The following SENP7 variants were observed in gnomAD, a reference collection of about 807,000 sequenced individuals.
SENP7 encodes the protein SUMO specific peptidase 7, also known as sentrin-specific protease 7.
In SENP7, 64 loss-of-function variants were observed where a neutral mutation model predicts 141.2. The observed-to-expected ratio is 0.45, with a 90% CI of 0.37 to 0.56. The LOEUF is 0.56. Among genes scored for constraint, SENP7 ranks in the 20% least tolerant of loss-of-function variants. SENP7 has a pLI of 0.00. For missense variants in SENP7, 1,025 were observed against 1,212.2 expected (o/e 0.85, Z 2.29); for synonymous variants, 382 against 426.4 (o/e 0.90, Z 1.28).
rs553284052 is a variant in SENP7, at chr3:101,357,612, A to G, written c.1623+4103T>C. 408 of 946,644 alleles carry G rather than the reference A, an allele frequency of 4.3e-4. 1 individual carries two copies. Among genetic ancestry groups the G allele is most frequent in the Non-Finnish European group, 5.2e-4 (315 of 602,596 alleles). The allele number at this position is 946,644 out of a possible 1,614,324, so 58.6% of individuals were successfully genotyped here. A position where few individuals can be genotyped will look rare whatever the true frequency, so the allele number is the denominator to read the frequency against. The stretch of plus-strand genomic sequence containing the variant: ...AAAAAAAGCTGTAAAAGTGTGGATG[A>G]GTGTAAGGTGCACAAAAGCGGTTAT... On this transcript the variant is annotated intron_variant, in intron 11 of 23. Coordinates refer to ENST00000394095, the MANE Select transcript of SENP7 (RefSeq NM_020654.5).
At chr3:101,444,233 C>G (rs1230463317) in intron 4 of SENP7, among the ~76,000 whole-genome samples, 1 of 143,416 alleles carries the variant, frequency 7.0e-6, no homozygotes, top group Admixed American at 7.4e-5. Context: ...ATTAAAAAGT[C>G]AGGAAACAAC....
At chr3:101,457,672 T>A in intron 4 of SENP7, 2 of 1,394,380 alleles carry the variant, frequency 1.4e-6, no homozygotes, top group Non-Finnish European at 2.0e-6. Context: ...TTCCCACCAA[T>A]GCACACTTGT....
chr3:101,477,819 C>A (rs59085990), intron 3 of SENP7, among the ~76,000 whole-genome samples: 59,845 of 150,638 alleles, frequency 0.4, 12,393 homozygotes, highest in Admixed American at 0.54. Context: ...CCACTGCACT[C>A]CAGCCTGGGT....
Position 101,325,650 on chromosome 3 carries a change from A to G in SENP7, c.*293T>C. ...GTTTTATTATCTACAAAACATTCCC[A>G]TATTACATATGCTGTTGCATAATCC... On this transcript the variant is annotated 3_prime_UTR_variant, in exon 24 of 24. Coordinates refer to ENST00000394095, the MANE Select transcript of SENP7 (RefSeq NM_020654.5). The G allele has an allele frequency of 5.9e-6, 1 of 168,558 alleles. No homozygotes were observed. The allele number at this position is 168,558 out of a possible 1,614,324, so 10.4% of individuals were successfully genotyped here. A position where few individuals can be genotyped will look rare whatever the true frequency, so the allele number is the denominator to read the frequency against.
At chr3:101,344,005 T>C in intron 13 of SENP7, 51 bp from the exon 14 acceptor site, 1 of 1,158,248 alleles carries the variant, frequency 8.6e-7, no homozygotes, top group Admixed American at 2.9e-5. Flanking sequence ...TTCAAGAGGA[T>C]TATAATACAA....
intron 4 of SENP7, among the ~76,000 whole-genome samples, chr3:101,431,803 T>C (rs910447621): frequency 1.3e-5 from 2 of 152,046 alleles, no homozygotes; most frequent in African/African-American, 4.8e-5. Flanking sequence ...CATCCATCCC[T>C]GAGGTCTGCC....
At chr3:101,472,456 T>G (rs1362887797) in intron 3 of SENP7, among the ~76,000 whole-genome samples, 1 of 151,788 alleles carries the variant, frequency 6.6e-6, no homozygotes, top group African/African-American at 2.4e-5. Flanking sequence ...AACAATGAGA[T>G]CACTTGGACA....
intron 6 of SENP7, among the ~76,000 whole-genome samples, chr3:101,376,031 T>C (rs190630488): frequency 1.3e-4 from 20 of 152,272 alleles, no homozygotes; most frequent in Admixed American, 1.2e-3. Flanking sequence ...AAAGTTGTGA[T>C]AATGGTTGCA....
chr3:101,419,459 T>G (rs917007419), intron 4 of SENP7, among the ~76,000 whole-genome samples: 5 of 152,176 alleles, frequency 3.3e-5, no homozygotes, highest in Admixed American at 1.3e-4. Flanking sequence ...TAAAAATTAA[T>G]TTACGGAGAT....
At chr3:101,394,357 A>C (rs2060901945) in intron 6 of SENP7, among the ~76,000 whole-genome samples, 1 of 152,098 alleles carries the variant, frequency 6.6e-6, no homozygotes, top group Non-Finnish European at 1.5e-5. Context: ...TGGGACACTT[A>C]AGTTGATTCT....
intron 11 of SENP7, among the ~76,000 whole-genome samples, chr3:101,354,685 A>G (rs937918062): frequency 1.3e-5 from 2 of 152,100 alleles, no homozygotes; most frequent in Non-Finnish European, 2.9e-5. Context: ...TCCTATTATG[A>G]ATAGTGCTGC....
At chr3:101,372,161 TA>T in intron 6 of SENP7, 35 bp from the exon 7 acceptor site, 4 of 1,156,196 alleles carry the variant, frequency 3.5e-6, no homozygotes, top group Non-Finnish European at 4.8e-6. Context: ...TCAATTCTAA[TA>T]AAGCCCAAAT....
chr3:101,504,377 C>A (rs1433246488), intron 1 of SENP7, among the ~76,000 whole-genome samples: 1 of 150,576 alleles, frequency 6.6e-6, no homozygotes, highest in African/African-American at 2.4e-5. Flanking sequence ...GAAAATCGCT[C>A]AAACCCAGGA....
intron 10 of SENP7, among the ~76,000 whole-genome samples, chr3:101,362,841 T>C (rs969994037): frequency 1.3e-5 from 2 of 152,236 alleles, no homozygotes; most frequent in Admixed American, 1.3e-4. Context: ...AGTGACTATA[T>C]AACTTTGCTT....
At chr3:101,452,448 T>C (rs1381707055) in intron 4 of SENP7, among the ~76,000 whole-genome samples, 1 of 152,174 alleles carries the variant, frequency 6.6e-6, no homozygotes, top group Non-Finnish European at 1.5e-5. Flanking sequence ...GGCATCATGC[T>C]ACCTGACTTC....
chr3:101,398,844 G>T lies in SENP7; in HGVS notation c.677+17C>A, dbSNP rs374492257. ...AATAAATATAATTATTTTGAGTAAA[G>T]TTATCACTAAACATACCTTTCAGAT... On this transcript the variant is annotated intron_variant, in intron 6 of 23. Transcript: ENST00000394095. 93 of 1,488,282 alleles carry T rather than the reference G, an allele frequency of 6.2e-5. No homozygotes were observed. The African/African-American group carries it at 1.2e-3, about 20-fold the overall frequency. 92.2% of individuals were successfully genotyped at this position (1,488,282 alleles called of 1,614,324 possible). A position where few individuals can be genotyped will look rare whatever the true frequency, so the allele number is the denominator to read the frequency against.
chr3:101,380,332 T>C (rs1328712347), intron 6 of SENP7, among the ~76,000 whole-genome samples: 1 of 151,970 alleles, frequency 6.6e-6, no homozygotes, highest in Non-Finnish European at 1.5e-5. Flanking sequence ...CAGATACTAA[T>C]TAACTTTGGA....
chr3:101,447,753 T>C (rs907068174), intron 4 of SENP7, among the ~76,000 whole-genome samples: 1 of 151,386 alleles, frequency 6.6e-6, no homozygotes, highest in African/African-American at 2.4e-5. Flanking sequence ...CAACTGAAAA[T>C]GCAAGAAACC....
At chr3:101,482,857 A>C (rs1048730456) in intron 3 of SENP7, among the ~76,000 whole-genome samples, 2 of 152,204 alleles carry the variant, frequency 1.3e-5, no homozygotes, top group Non-Finnish European at 2.9e-5. Context: ...AATAGAATGA[A>C]AAAAGTTCCT....
Sources: gnomAD v4.1 joint callset for allele counts (sites outside exome capture counted in the v4.1 genomes callset) on GRCh38, gnomAD v4.1.1 for gene constraint, MANE v1.5 for transcripts, NCBI Gene and HGNC (gene_info 2026-07-23, HGNC 2026-07-21) for gene names.